Variants in ALDH1L1 observed in about 807,000 individuals in gnomAD.
ALDH1L1 encodes the protein cytosolic 10-formyltetrahydrofolate dehydrogenase.
Under a neutral mutation model 101.1 loss-of-function variants are expected in ALDH1L1, and 68 were observed. That is an observed-to-expected ratio of 0.67 (90% CI 0.55 to 0.82). The LOEUF is 0.82. Among genes scored for constraint, ALDH1L1 ranks in the 40% least tolerant of loss-of-function variants. The probability of loss-of-function intolerance (pLI) is 0.00; values close to 1 mark genes in which losing one functional copy is unlikely to be tolerated. For missense variants in ALDH1L1, 1,087 were observed against 1,172.7 expected, an observed-to-expected ratio of 0.93 and a Z score of 1.07; for synonymous variants, 486 against 470.8, an observed-to-expected ratio of 1.03 and a Z score of -0.42.
chr3:126,139,778 C>CA (rs1436336393), intron 9 of ALDH1L1, among the ~76,000 whole-genome samples: 2 of 151,980 alleles, frequency 1.3e-5, no homozygotes, highest in South Asian at 2.1e-4. Context: ...CTGAAACAAA[C>CA]AAAAAACTCA....
chr3:126,190,505 T>C (rs537519030), intron 1 of ALDH1L1, among the ~76,000 whole-genome samples: 2 of 152,212 alleles, frequency 1.3e-5, no homozygotes, highest in Non-Finnish European at 2.9e-5. Flanking sequence ...TTTACGTGTT[T>C]TCAGATACCA....
In ALDH1L1 at chr3:126,157,375, G is replaced by T. The variant is rs754036467; in HGVS notation, c.496C>A (p.Arg166Ser). ...PDDTVSTLYNRFLFPEGIKGM... is the reference protein window; with the variant it reads ...PDDTVSTLYNSFLFPEGIKGM... ...TTGATGCCTTCAGGGAAGAGGAAGC[G>T]GTTGTACAGCGTGCTCACGGTGTCG... Residue 166 changes from arginine to serine, a missense_variant, in exon 4 of 23, where the codon CGC (arginine) becomes AGC (serine). Arg to Ser is a moderately radical substitution (Grantham distance 110). This residue lies in a region of ALDH1L1 where 645 missense variants were observed against 637.0 expected (regional missense o/e 1.01). Transcript: ENST00000393434. The T allele has an allele frequency of 3.7e-6, 6 of 1,613,854 alleles. No individual in the cohort carries two copies. Among genetic ancestry groups the T allele is most frequent in the South Asian group, 3.3e-5 (3 of 91,056 alleles).
chr3:126,148,451 A>T (rs781162092), intron 8 of ALDH1L1, among the ~76,000 whole-genome samples: 12 of 152,170 alleles, frequency 7.9e-5, no homozygotes, highest in Non-Finnish European at 1.5e-4. Flanking sequence ...AACACCGGGG[A>T]GCTGCACAGC....
At position 126,124,213 on chromosome 3, in the gene ALDH1L1, T is replaced by C. The variant is rs886828088; in HGVS notation, c.1888+151A>G. ...TTCCAGGTGCAGGTGCTCTCCCCCA[T>C]GGGAGGGGCCTCCTTTGTCACAGGC... On this transcript the variant is annotated intron_variant, in intron 16 of 22. Coordinates refer to ENST00000393434, the MANE Select transcript of ALDH1L1 (RefSeq NM_012190.4). 2.2e-5 allele frequency: 14 copies of C among 641,050 alleles called. No individual in the cohort carries two copies. The East Asian group carries it at 3.0e-4, about 14-fold the overall frequency. The allele number at this position is 641,050 out of a possible 1,614,324, so 39.7% of individuals were successfully genotyped here. A position where few individuals can be genotyped will look rare whatever the true frequency, so the allele number is the denominator to read the frequency against.
intron 16 of ALDH1L1, among the ~76,000 whole-genome samples, chr3:126,120,967 AC>A (rs996462007): frequency 2.6e-5 from 4 of 152,146 alleles, no homozygotes; most frequent in African/African-American, 9.7e-5. Flanking sequence ...CACCATCCTA[AC>A]CCCCAGTACC....
intron 20 of ALDH1L1, 87 bp downstream of exon 20, chr3:126,109,857 G>C: frequency 6.5e-7 from 1 of 1,548,538 alleles, no homozygotes. Flanking sequence ...GCCTTCAGAT[G>C]TCTCCAGTTC....
intron 16 of ALDH1L1, among the ~76,000 whole-genome samples, chr3:126,124,118 C>G (rs1350830246): frequency 7.3e-5 from 2 of 27,400 alleles, no homozygotes; most frequent in African/African-American, 3.7e-4. Flanking sequence ...CGGACACACA[C>G]ACACACACAC....
At chr3:126,123,648 A>AAAAAG (rs1257817402) in intron 16 of ALDH1L1, among the ~76,000 whole-genome samples, 4 of 151,818 alleles carry the variant, frequency 2.6e-5, no homozygotes, top group African/African-American at 9.7e-5. Flanking sequence ...AAAAAAAAAA[A>AAAAAG]ATAGAAGAAC....
chr3:126,163,192 CT>C (rs2081096252), intron 1 of ALDH1L1, among the ~76,000 whole-genome samples: 1 of 151,972 alleles, frequency 6.6e-6, no homozygotes, highest in Non-Finnish European at 1.5e-5. Flanking sequence ...ATTTGTATAC[CT>C]TCTTTGGAGC....
At chr3:126,140,489 T>C (rs183408423) in intron 9 of ALDH1L1, among the ~76,000 whole-genome samples, 4 of 152,078 alleles carry the variant, frequency 2.6e-5, no homozygotes, top group African/African-American at 9.7e-5. Flanking sequence ...GGCCACTACA[T>C]AGGTAAGTAT....
intron 10 of ALDH1L1, 135 bp downstream of exon 10, chr3:126,137,678 G>A: frequency 7.9e-7 from 1 of 1,263,392 alleles, no homozygotes. Flanking sequence ...CAGGGAGAGT[G>A]TGGGAAACTG....
At chr3:126,124,329 G>A in intron 16 of ALDH1L1, 35 bp downstream of exon 16, 4 of 1,568,404 alleles carry the variant, frequency 2.6e-6, no homozygotes, top group Non-Finnish European at 3.5e-6. Context: ...CCAGCTGCCA[G>A]AAGCCCTAGC....
intron 8 of ALDH1L1, among the ~76,000 whole-genome samples, chr3:126,148,618 G>T (rs537437437): frequency 1.3e-5 from 2 of 152,314 alleles, no homozygotes; most frequent in South Asian, 4.1e-4. Context: ...AGCTAGAGGA[G>T]GACTTGAGCC....
intron 11 of ALDH1L1, among the ~76,000 whole-genome samples, chr3:126,135,943 C>A (rs2080432198): frequency 6.6e-6 from 1 of 152,184 alleles, no homozygotes; most frequent in Non-Finnish European, 1.5e-5. Flanking sequence ...CACCTTGGTG[C>A]CTGCTGGGTG....
intron 16 of ALDH1L1, among the ~76,000 whole-genome samples, chr3:126,124,120 C>T (rs1286277850): frequency 2.0e-5 from 1 of 49,042 alleles, no homozygotes; most frequent in East Asian, 7.8e-4. Context: ...GACACACACA[C>T]ACACACACAC....
At chr3:126,181,060 G>C, upstream of ALDH1L1, 5 of 1,523,632 alleles carry the variant, frequency 3.3e-6, no homozygotes, top group Non-Finnish European at 4.4e-6. Context: ...TGCGCATCCG[G>C]GTGGATAGCG....
At chr3:126,196,705 G>A (rs1257143801) in intron 1 of ALDH1L1, among the ~76,000 whole-genome samples, 1 of 152,144 alleles carries the variant, frequency 6.6e-6, no homozygotes, top group Non-Finnish European at 1.5e-5. Context: ...ATTTTTAAAG[G>A]TAGCTCAGAG....
At chr3:126,183,720 G>C (rs375181149), upstream of ALDH1L1, among the ~76,000 whole-genome samples, 8 of 152,288 alleles carry the variant, frequency 5.3e-5, no homozygotes, top group East Asian at 3.9e-4. Context: ...GTGGGTGCAG[G>C]GGGGAGGCGC....
At chr3:126,181,050 T>C, upstream of ALDH1L1, 1 of 1,555,048 alleles carries the variant, frequency 6.4e-7, no homozygotes, top group Non-Finnish European at 8.7e-7. Context: ...CCTTAGCAGC[T>C]GCGCATCCGG....
Sources: gnomAD v4.1 joint callset for allele counts (sites outside exome capture counted in the v4.1 genomes callset) on GRCh38, gnomAD v4.1.1 for gene constraint, gnomAD v4.1.1 regional missense constraint, MANE v1.5 for transcripts, NCBI Gene and HGNC (gene_info 2026-07-23, HGNC 2026-07-21) for gene names.